The following SNX29 variants were observed in gnomAD, a reference collection of about 807,000 sequenced individuals.
The protein encoded by SNX29 is sorting nexin-29.
SNX29 carries 78 observed loss-of-function variants against 102.1 expected under a neutral mutation model. The observed-to-expected ratio is 0.76, with a 90% CI of 0.64 to 0.92. The LOEUF (loss-of-function observed/expected upper bound fraction) is 0.92, where lower values mean the gene tolerates loss of function less well. SNX29 is among the 40% of genes least tolerant of loss of function. The pLI, the probability that SNX29 is intolerant of heterozygous loss-of-function variation, is 0.00. For synonymous variants in SNX29, 580 were observed against 414.5 expected (o/e 1.40, Z -4.85); for missense variants, 1,280 against 1,061.7 (o/e 1.21, Z -2.86).
At chr16:11,998,589 G>A (rs2056173371) in intron 1 of SNX29, among the ~76,000 whole-genome samples, 1 of 152,154 alleles carries the variant, frequency 6.6e-6, no homozygotes, top group South Asian at 2.1e-4. Context: ...TGACTTCGTG[G>A]TGGCAAAATG....
At chr16:12,354,376 T>G (rs1008286198) in intron 15 of SNX29, among the ~76,000 whole-genome samples, 1 of 152,226 alleles carries the variant, frequency 6.6e-6, no homozygotes, top group Admixed American at 6.5e-5. Context: ...ATTTGCCTGA[T>G]GTGGTCAAGT....
intron 16 of SNX29, among the ~76,000 whole-genome samples, 187 bp downstream of exon 16, chr16:12,356,466 C>T (rs2082140407): frequency 6.6e-6 from 1 of 152,160 alleles, no homozygotes; most frequent in African/African-American, 2.4e-5. Context: ...GTTACAAGTT[C>T]TGTTGAAGCA....
At chr16:12,518,836 G>A (rs1355567209) in intron 19 of SNX29, among the ~76,000 whole-genome samples, 3 of 152,126 alleles carry the variant, frequency 2.0e-5, no homozygotes, top group African/African-American at 4.8e-5. Context: ...AGGGGATTTC[G>A]CTGCATTCCC....
rs115189891 is a variant in SNX29 at position 12,346,108 on chromosome 16, C to A, written c.1783-10055C>A. 2.8e-3 allele frequency among the ~76,000 whole-genome samples: 423 copies of A among 151,046 alleles called. 5 individuals are homozygous for A. Among genetic ancestry groups the A allele is most frequent in the African/African-American group, 9.8e-3 (399 of 40,616 alleles). ...ATTTTAAGCAGTAAAGGGGTGTGAT[C>A]CTGGGTTTTAGAAAGATCATTTGAG... On this transcript the variant is annotated intron_variant, in intron 15 of 20. Coordinates refer to ENST00000566228, the MANE Select transcript of SNX29 (RefSeq NM_032167.5).
intron 13 of SNX29, among the ~76,000 whole-genome samples, chr16:12,165,493 C>T (rs1056860064): frequency 6.6e-6 from 1 of 152,204 alleles, no homozygotes; most frequent in Non-Finnish European, 1.5e-5. Context: ...ATCAGCTAAA[C>T]ATTTTTTGTA....
chr16:12,425,770 A>G (rs2151606268), intron 18 of SNX29, among the ~76,000 whole-genome samples: 1 of 152,194 alleles, frequency 6.6e-6, no homozygotes, highest in Non-Finnish European at 1.5e-5. Context: ...TTCATTTCTG[A>G]ATTCCTCTCG....
chr16:12,119,747 C>T (rs956555840), intron 11 of SNX29, among the ~76,000 whole-genome samples: 1 of 152,318 alleles, frequency 6.6e-6, no homozygotes, highest in Admixed American at 6.5e-5. Context: ...GCAAGCTGGA[C>T]CAGGTGTGGG....
At chr16:12,544,908 GTCATTAGATGTTATCA>G (rs1567684982) in intron 20 of SNX29, among the ~76,000 whole-genome samples, 1 of 152,194 alleles carries the variant, frequency 6.6e-6, no homozygotes, top group Non-Finnish European at 1.5e-5. Flanking sequence ...GTAATCAATA[GTCATTAGATGTTATCA>G]TCATCCCTTG....
intron 15 of SNX29, among the ~76,000 whole-genome samples, chr16:12,328,239 A>T (rs1157021908): frequency 6.6e-6 from 1 of 152,102 alleles, no homozygotes; most frequent in Admixed American, 6.5e-5. Flanking sequence ...TTATTTTACT[A>T]CTACTGTTTG....
chr16:12,234,895 C>T (rs2077878820), intron 14 of SNX29, among the ~76,000 whole-genome samples: 1 of 152,160 alleles, frequency 6.6e-6, no homozygotes, highest in East Asian at 1.9e-4. Context: ...GGTCTCAGCT[C>T]CCTACCTTAC....
At chr16:12,224,742 G>C (rs2077566674) in intron 14 of SNX29, among the ~76,000 whole-genome samples, 1 of 152,170 alleles carries the variant, frequency 6.6e-6, no homozygotes, top group Non-Finnish European at 1.5e-5. Context: ...ATAGTAAGCA[G>C]GCACAAAACC....
At chr16:12,312,373 A>G (rs2151140024) in intron 15 of SNX29, among the ~76,000 whole-genome samples, 1 of 152,326 alleles carries the variant, frequency 6.6e-6, no homozygotes, top group East Asian at 1.9e-4. Flanking sequence ...GTTGAGTTGA[A>G]AAACTGGCAA....
intron 18 of SNX29, among the ~76,000 whole-genome samples, chr16:12,408,806 A>G (rs6498292): frequency 0.56 from 85,371 of 152,100 alleles, 24,501 homozygotes; most frequent in Non-Finnish European, 0.62. Flanking sequence ...GGGGACAGGA[A>G]CAAAACTTCT....
At chr16:12,143,872 G>C (rs1006752143) in intron 13 of SNX29, among the ~76,000 whole-genome samples, 2 of 152,182 alleles carry the variant, frequency 1.3e-5, no homozygotes, top group Admixed American at 6.5e-5. Flanking sequence ...AAATGGTTAT[G>C]TCCAGGCTGC....
intron 15 of SNX29, among the ~76,000 whole-genome samples, chr16:12,302,062 C>G (rs1272102119): frequency 6.6e-6 from 1 of 152,140 alleles, no homozygotes; most frequent in African/African-American, 2.4e-5. Context: ...TGAACCAGTG[C>G]CTACGGTCCT....
intron 20 of SNX29, among the ~76,000 whole-genome samples, chr16:12,548,501 T>G (rs765254521): frequency 5.3e-5 from 8 of 152,194 alleles, no homozygotes; most frequent in Non-Finnish European, 8.8e-5. Context: ...CAGGGTTGTC[T>G]TGTCTGGACC....
At chr16:12,009,058 G>A (rs1028540861) in intron 3 of SNX29, among the ~76,000 whole-genome samples, 1 of 152,042 alleles carries the variant, frequency 6.6e-6, no homozygotes, top group Non-Finnish European at 1.5e-5. Flanking sequence ...TAGTTTTAAG[G>A]CTACTGTTTT....
At chr16:12,540,224 C>A (rs975953687) in intron 20 of SNX29, among the ~76,000 whole-genome samples, 16 of 152,232 alleles carry the variant, frequency 1.1e-4, no homozygotes, top group African/African-American at 3.1e-4. Flanking sequence ...TAACCTACTT[C>A]CTGTGGCTGA....
chr16:12,301,451 A>G (rs1252376025), intron 15 of SNX29, among the ~76,000 whole-genome samples: 1 of 152,082 alleles, frequency 6.6e-6, no homozygotes, highest in Non-Finnish European at 1.5e-5. Flanking sequence ...AAATCTCCAC[A>G]TGGCTGGCTT....
Sources: gnomAD v4.1 joint callset for allele counts (sites outside exome capture counted in the v4.1 genomes callset) on GRCh38, gnomAD v4.1.1 for gene constraint, MANE v1.5 for transcripts, NCBI Gene and HGNC (gene_info 2026-07-23, HGNC 2026-07-21) for gene names.